Variants in CPT1A observed in about 807,000 individuals in gnomAD.
The protein encoded by CPT1A is carnitine palmitoyltransferase 1A, also known as carnitine O-palmitoyltransferase 1, liver isoform.
A neutral mutation model predicts 100.8 loss-of-function variants in CPT1A; 64 were observed. That is an observed-to-expected ratio of 0.63 (90% CI 0.52 to 0.78). The LOEUF is 0.78. Ranked by LOEUF, CPT1A falls within the 30% of genes least tolerant of loss-of-function variation. The pLI is 0.00. For synonymous variants in CPT1A, 363 were observed against 396.0 expected, an observed-to-expected ratio of 0.92 and a Z score of 0.99; for missense variants, 802 against 1,034.1, an observed-to-expected ratio of 0.78 and a Z score of 3.08.
intron 1 of CPT1A, among the ~76,000 whole-genome samples, chr11:68,830,418 G>T (rs11605837): frequency 0.31 from 46,707 of 152,082 alleles, 7,637 homozygotes; most frequent in South Asian, 0.48. Context: ...GTGGAGCATG[G>T]GAGCCAGGCC....
intron 5 of CPT1A, 115 bp from the exon 6 acceptor site, chr11:68,799,470 T>C: frequency 1.1e-5 from 13 of 1,153,462 alleles, no homozygotes; most frequent in Non-Finnish European, 1.5e-5. Context: ...GGTTTTAGGC[T>C]GGGCATGGTG....
chr11:68,815,594 C>G, intron 1 of CPT1A, 107 bp from the exon 2 acceptor site: 1 of 1,103,466 alleles, frequency 9.1e-7, no homozygotes, highest in Admixed American at 1.9e-5. Flanking sequence ...TTCCTCGCCA[C>G]TTAACAGATT....
At chr11:68,799,015 C>G (rs371153251) in intron 6 of CPT1A, among the ~76,000 whole-genome samples, 2 of 152,038 alleles carry the variant, frequency 1.3e-5, no homozygotes, top group East Asian at 3.9e-4. Flanking sequence ...ATCCAAAAAC[C>G]AAGAAACTGT....
intron 1 of CPT1A, among the ~76,000 whole-genome samples, chr11:68,821,583 G>A (rs3019612): frequency 0.88 from 134,032 of 152,252 alleles, 60,481 homozygotes; most frequent in Non-Finnish European, 0.98. Context: ...GAGCCACCGC[G>A]CCCAACCCTC....
At chr11:68,816,217 G>A (rs1165468097) in intron 1 of CPT1A, among the ~76,000 whole-genome samples, 3 of 152,194 alleles carry the variant, frequency 2.0e-5, no homozygotes, top group Admixed American at 6.5e-5. Flanking sequence ...AACTTCGAGC[G>A]CAGATCAATC....
intron 9 of CPT1A, among the ~76,000 whole-genome samples, chr11:68,788,485 G>A (rs1855522543): frequency 6.6e-6 from 1 of 151,970 alleles, no homozygotes; most frequent in South Asian, 2.1e-4. Flanking sequence ...TGTAATCCCA[G>A]CTACTAGGGA....
chr11:68,774,218 C>G (rs532226037), intron 13 of CPT1A, among the ~76,000 whole-genome samples: 10 of 152,262 alleles, frequency 6.6e-5, no homozygotes, highest in Admixed American at 5.9e-4. Context: ...AACTTGGTCT[C>G]TCCTGCCTTC....
chr11:68,841,932 G>T (rs1256399446), upstream of CPT1A: 1 of 984,700 alleles, frequency 1.0e-6, no homozygotes, highest in Non-Finnish European at 1.2e-6. This position sits in a 1 kb window ranked among gnomAD's most constrained non-coding sequence, Gnocchi z 6.3. Context: ...AGGCGGGTCC[G>T]GCTGCGGCGC....
At chr11:68,820,167 CT>C in intron 1 of CPT1A, among the ~76,000 whole-genome samples, 1 of 30,030 alleles carries the variant, frequency 3.3e-5, no homozygotes, top group Non-Finnish European at 4.4e-4. Flanking sequence ...GTAGCTGGGA[CT>C]AATAGGCATG....
intron 1 of CPT1A, among the ~76,000 whole-genome samples, chr11:68,839,214 C>T (rs1280733064): frequency 1.3e-5 from 2 of 152,214 alleles, no homozygotes; most frequent in Non-Finnish European, 2.9e-5. Flanking sequence ...AGCCCTTGGC[C>T]CGCGCAGGCT....
chr11:68,804,644 T>C (rs1185340258), intron 4 of CPT1A, among the ~76,000 whole-genome samples: 1 of 152,212 alleles, frequency 6.6e-6, no homozygotes, highest in Admixed American at 6.5e-5. Context: ...AAGCCAAGCC[T>C]GACAGAGGCC....
intron 3 of CPT1A, among the ~76,000 whole-genome samples, chr11:68,808,506 G>A (rs1172962626): frequency 3.3e-5 from 5 of 151,704 alleles, no homozygotes. Context: ...TGAGTAGCTG[G>A]GATTACAGGT....
Position 68,802,396 on chromosome 11 carries a change from C to T in CPT1A, c.555+1604G>A, listed in dbSNP as rs372617759. Among the ~76,000 whole-genome samples the T allele has an allele frequency of 4.3e-4, 64 of 149,174 alleles. No homozygotes were observed. The East Asian group carries it at 7.5e-3, about 18-fold the overall frequency. ...ATCACTTGAGCTCAGGGGTTCAACACGAGCCTGGACAAGACAGTGAAACTC... is the reference window on the plus strand; with the variant it reads ...ATCACTTGAGCTCAGGGGTTCAACATGAGCCTGGACAAGACAGTGAAACTC... On this transcript the variant is annotated intron_variant, in intron 5 of 18. Coordinates refer to ENST00000265641, the MANE Select transcript of CPT1A (RefSeq NM_001876.4).
chr11:68,823,899 G>A (rs1051205986), intron 1 of CPT1A, among the ~76,000 whole-genome samples: 4 of 152,124 alleles, frequency 2.6e-5, no homozygotes, highest in East Asian at 1.9e-4. Context: ...ACCAAATACC[G>A]CATGTTCTCA....
intron 5 of CPT1A, among the ~76,000 whole-genome samples, chr11:68,800,155 G>A (rs564595418): frequency 8.2e-4 from 125 of 152,212 alleles, no homozygotes; most frequent in African/African-American, 2.9e-3. Flanking sequence ...GGATGGGAAC[G>A]AGGGGCTGGA....
At chr11:68,773,124 C>T in intron 14 of CPT1A, 141 bp downstream of exon 14, 1 of 1,483,844 alleles carries the variant, frequency 6.7e-7, no homozygotes, top group Non-Finnish European at 8.9e-7. Flanking sequence ...GCCACCCGGC[C>T]CCCGGAGACC....
At chr11:68,834,164 C>T (rs571587494) in intron 1 of CPT1A, among the ~76,000 whole-genome samples, 139 of 152,206 alleles carry the variant, frequency 9.1e-4, no homozygotes, top group African/African-American at 3.1e-3. Context: ...GGGCTGGGCA[C>T]GGTGGCTCAT....
intron 18 of CPT1A, among the ~76,000 whole-genome samples, chr11:68,759,081 G>A (rs1946749864): frequency 6.6e-6 from 1 of 151,790 alleles, no homozygotes; most frequent in Admixed American, 6.6e-5. Context: ...GACCCTGTCT[G>A]TACAAACAAT....
At position 68,755,086 on chromosome 11, in the gene CPT1A, C is replaced by T. The variant is rs1451205195; in HGVS notation, c.*2558G>A. 1.8e-5 allele frequency: 9 copies of T among 501,244 alleles called. No homozygotes were observed. The highest frequency in any genetic ancestry group is 2.5e-5 in the Non-Finnish European group (7 of 280,988). 31.0% of individuals were successfully genotyped at this position (501,244 alleles called of 1,614,324 possible). Reference sequence around the variant, plus strand: ...TCTTATCACCCCCCTTGGACATGTACAATAAGACCCCTCTTTCTCCCCTCA... The same window carrying T: ...TCTTATCACCCCCCTTGGACATGTATAATAAGACCCCTCTTTCTCCCCTCA... On this transcript the variant is annotated 3_prime_UTR_variant, in exon 19 of 19. Coordinates refer to ENST00000265641, the MANE Select transcript of CPT1A (RefSeq NM_001876.4).
Sources: allele counts gnomAD v4.1 joint callset (sites outside exome capture counted in the v4.1 genomes callset), GRCh38; gene constraint gnomAD v4.1.1; non-coding constraint Gnocchi (gnomAD v3.1); transcripts MANE v1.5; gene names NCBI Gene and HGNC (gene_info 2026-07-23, HGNC 2026-07-21).